SLC29A1: variants seen among roughly 807,000 people sequenced by gnomAD.
SLC29A1 encodes the protein solute carrier family 29 member 1 (Augustine blood group), also known as equilibrative nucleoside transporter 1.
A neutral mutation model predicts 48.3 loss-of-function variants in SLC29A1; 22 were observed. The observed-to-expected ratio is 0.46, with a 90% CI of 0.33 to 0.65. The LOEUF (loss-of-function observed/expected upper bound fraction) is 0.65. SLC29A1 is among the 30% of genes least tolerant of loss of function. SLC29A1 has a pLI of 0.03. For synonymous variants in SLC29A1, 228 were observed against 231.0 expected, an observed-to-expected ratio of 0.99 and a Z score of 0.12; for missense variants, 491 against 575.3, an observed-to-expected ratio of 0.85 and a Z score of 1.50.
In SLC29A1 at chr6:44,232,881, C is replaced by A; in HGVS notation, c.1134C>A (p.Cys378Ter). 1.2e-6 allele frequency: 2 copies of A among 1,614,068 alleles called. No homozygotes were observed. The highest frequency in any genetic ancestry group is 2.2e-5 in the South Asian group (2 of 91,086). ...TGTTTGTGCCACTGCTGCTGCTGTG[C>A]AACATTAAGCCCCGCCGCTACCTGA... Reference protein sequence around the residue: ...RLVFVPLLLLCNIKPRRYLTV... With the variant: ...RLVFVPLLLL The change falls in exon 12 of 13, where the codon TGC (cysteine) becomes TGA (stop). Residue 378 changes from cysteine (C) to a stop codon, truncating the protein, a stop_gained. Transcript: ENST00000371755. LOFTEE classifies it high-confidence loss of function. This position sits in a 1 kb window ranked among gnomAD's most constrained non-coding sequence, Gnocchi z 4.7.
At chr6:44,222,773 G>A (rs1776605501), upstream of SLC29A1, among the ~76,000 whole-genome samples, 1 of 152,216 alleles carries the variant, frequency 6.6e-6, no homozygotes, top group African/African-American at 2.4e-5. Flanking sequence ...TGTCAGGATG[G>A]CTGGGACAAT....
At chr6:44,233,086 C>G in intron 12 of SLC29A1, 80 bp downstream of exon 12, 2 of 1,410,492 alleles carry the variant, frequency 1.4e-6, no homozygotes, top group Non-Finnish European at 2.0e-6. Context: ...AGAGGGAGGG[C>G]AAAAGGAGAG....
chr6:44,231,876 G>A (rs937226929), intron 9 of SLC29A1, 122 bp from the exon 10 acceptor site: 4 of 674,542 alleles, frequency 5.9e-6, no homozygotes, highest in East Asian at 3.0e-5. Context: ...CACCCACCTC[G>A]GCCTCCCAAA....
rs748005109 is a variant in SLC29A1 at position 44,232,727 on chromosome 6, G to A, written c.1060-80G>A. The A allele has an allele frequency of 4.3e-6, 6 of 1,406,276 alleles. No individual in the cohort carries two copies. The highest frequency in any genetic ancestry group is 5.9e-6 in the Non-Finnish European group (6 of 1,014,948). The allele number at this position is 1,406,276 out of a possible 1,614,324, so 87.1% of individuals were successfully genotyped here. ...TTTGAGGTTTCAGTTCAGATCCTGA[G>A]GGGCCCCAGATGGATCCTTGGGGGC... On this transcript the variant is annotated intron_variant, in intron 11 of 12. Transcript: ENST00000371755. The surrounding 1 kb of genome is among the most constrained non-coding windows in gnomAD (Gnocchi z 4.7).
Position 44,230,894 on chromosome 6 carries a change from G to C in SLC29A1, c.766+5G>C, listed in dbSNP as rs778293699. On this transcript the variant is annotated splice_donor_5th_base_variant and intron_variant, in intron 8 of 12. Coordinates refer to ENST00000371755, the MANE Select transcript of SLC29A1 (RefSeq NM_001372327.1). ...AGTTGGACCTCATTAGCAAAGGTCC[G>C]AAGAGCCTGAGGAAGCTGGGGTGGA... is the stretch of plus-strand genomic sequence containing the variant. The C allele has an allele frequency of 2.5e-6, 4 of 1,612,066 alleles. No homozygotes were observed. Among genetic ancestry groups the C allele is most frequent in the Non-Finnish European group, 3.4e-6 (4 of 1,178,288 alleles).
upstream of SLC29A1, chr6:44,223,456 G>A: frequency 1.2e-6 from 1 of 837,314 alleles, no homozygotes; most frequent in African/African-American, 1.9e-5. This position sits in a 1 kb window ranked among gnomAD's most constrained non-coding sequence, Gnocchi z 5.0. Context: ...GAGCGGCGGA[G>A]CGCGCGGAGT....
In SLC29A1 at chr6:44,229,339, A is replaced by G. The variant is rs1582948398; in HGVS notation, c.30-51A>G. 7.2e-7 allele frequency: 1 copy of G among 1,390,908 alleles called. No homozygotes were observed. The allele number at this position is 1,390,908 out of a possible 1,614,324, so 86.2% of individuals were successfully genotyped here. A position where few individuals can be genotyped will look rare whatever the true frequency, so the allele number is the denominator to read the frequency against. ...GGGGCTTTCCTGGGGCTCATTGTGG[A>G]GTGGGGCAGGATGGTGCGTCATTTG... On this transcript the variant is annotated intron_variant, in intron 2 of 12. Coordinates refer to ENST00000371755, the MANE Select transcript of SLC29A1 (RefSeq NM_001372327.1). The surrounding 1 kb of genome is among the most constrained non-coding windows in gnomAD (Gnocchi z 5.1).
rs1778446613 is a variant in SLC29A1, at chr6:44,229,924, G to A, written c.332G>A (p.Arg111Gln). ...CCCGGCAGGATCCCCCAGTCCGTACGGATCCTGGGCAGCCTGGTGGCCATC... is the reference window on the plus strand; with the variant it reads ...CCCGGCAGGATCCCCCAGTCCGTACAGATCCTGGGCAGCCTGGTGGCCATC... ...FLHQRIPQSV[R>Q]ILGSLVAILL... The change falls in exon 5 of 13, where the codon CGG becomes CAG. Residue 111 changes from arginine to glutamine, a missense_variant. Physicochemically the swap from Arg to Gln is conservative, Grantham distance 43. Transcript: ENST00000371755. The surrounding 1 kb of genome is among the most constrained non-coding windows in gnomAD (Gnocchi z 5.1). 4 of 1,613,304 alleles carry A rather than the reference G, an allele frequency of 2.5e-6. No individual in the cohort carries two copies. Among genetic ancestry groups the A allele is most frequent in the African/African-American group, 1.3e-5 (1 of 74,900 alleles).
In SLC29A1 at chr6:44,230,414, C is replaced by A; in HGVS notation, c.522C>A (p.Ala174=). 6.2e-7 allele frequency: 1 copy of A among 1,614,130 alleles called. No homozygotes were observed. Among genetic ancestry groups the A allele is most frequent in the Non-Finnish European group, 8.5e-7 (1 of 1,180,022 alleles). ...LAGLLPASYT[A]PIMSGQGLAG... is the part of the protein sequence containing the mutation. ...GCCTTCTGCCTGCCAGCTACACGGC[C>A]CCCATCATGAGTGGCCAGGGCCTAG... The change falls in exon 6 of 13, where the codon GCC becomes GCA. Residue 174 remains alanine (A), a synonymous_variant. Coordinates refer to ENST00000371755, the MANE Select transcript of SLC29A1 (RefSeq NM_001372327.1).
rs766961852 is a variant in SLC29A1, at chr6:44,232,403, G to A, written c.1034G>A (p.Arg345Gln). The part of the protein sequence containing the change: ...LTFNIFDWLG[R>Q]SLTAVFMWPG... Reference sequence around the variant, plus strand: ...TTCAATATCTTTGACTGGTTGGGCCGGAGCCTCACAGCTGTATTCATGTGG... The same window carrying A: ...TTCAATATCTTTGACTGGTTGGGCCAGAGCCTCACAGCTGTATTCATGTGG... The change falls in exon 11 of 13, where the codon CGG (arginine) becomes CAG (glutamine). Residue 345 changes from arginine (R) to glutamine (Q), a missense_variant. Arg to Gln is a conservative substitution (Grantham distance 43, BLOSUM62 1). Transcript: ENST00000371755. The surrounding 1 kb of genome is among the most constrained non-coding windows in gnomAD (Gnocchi z 4.7). The A allele has an allele frequency of 2.0e-5, 33 of 1,612,902 alleles. No individual in the cohort carries two copies. The highest frequency in any genetic ancestry group is 2.6e-5 in the Non-Finnish European group (31 of 1,179,046).
rs1778892583 is a variant in SLC29A1 at position 44,231,588 on chromosome 6, T to TGTGC, written c.864+136_864+139dup. On this transcript the variant is annotated intron_variant, in intron 9 of 12. Coordinates refer to ENST00000371755, the MANE Select transcript of SLC29A1 (RefSeq NM_001372327.1). ...GTGGTCACTCCTGGATTCTTTTGTG[T>TGTGC]GTGCGTGCGTGCCCATGCGTGCGTG... 3 of 680,216 alleles carry TGTGC rather than the reference T, an allele frequency of 4.4e-6. No individual in the cohort carries two copies. In the African/African-American group the frequency reaches 5.4e-5, roughly 12 times the overall value. 42.1% of individuals were successfully genotyped at this position (680,216 alleles called of 1,614,324 possible).
upstream of SLC29A1, among the ~76,000 whole-genome samples, chr6:44,220,282 A>G (rs1460131266): frequency 6.6e-6 from 1 of 150,968 alleles, no homozygotes; most frequent in Admixed American, 6.6e-5. Context: ...GACTCAAGCC[A>G]TCCTCCCACC....
upstream of SLC29A1, among the ~76,000 whole-genome samples, chr6:44,220,662 AAAAAAT>A (rs1776276137): frequency 7.2e-6 from 1 of 138,872 alleles, no homozygotes; most frequent in East Asian, 2.2e-4. Context: ...AAAAAAAAAA[AAAAAAT>A]ACAAAAATTA....
At chr6:44,228,783 C>A (rs1029755739) in intron 2 of SLC29A1, among the ~76,000 whole-genome samples, 1 of 152,232 alleles carries the variant, frequency 6.6e-6, no homozygotes, top group Non-Finnish European at 1.5e-5. Context: ...TGGCCCCATA[C>A]CTCCTGGCCT....
chr6:44,229,151 G>T lies in SLC29A1; in HGVS notation c.30-239G>T, dbSNP rs912894356. 4.6e-5 allele frequency among the ~76,000 whole-genome samples: 7 copies of T among 152,156 alleles called. No individual in the cohort carries two copies. Among genetic ancestry groups the T allele is most frequent in the African/African-American group, 1.7e-4 (7 of 41,420 alleles). On this transcript the variant is annotated intron_variant, in intron 2 of 12. Transcript: ENST00000371755. The surrounding 1 kb of genome is among the most constrained non-coding windows in gnomAD (Gnocchi z 5.1). ...TTCCAGGGCTGATAACCATGGTCCT[G>T]TCAGCCATGCCATTCAGTCCTATGA...
chr6:44,220,465 T>C (rs2128334798), upstream of SLC29A1, among the ~76,000 whole-genome samples: 1 of 151,570 alleles, frequency 6.6e-6, no homozygotes, highest in Non-Finnish European at 1.5e-5. Context: ...ATGACAGATG[T>C]GAGCCACTGC....
In SLC29A1 at chr6:44,223,648, C is replaced by T. The variant is rs1220546559; in HGVS notation, c.-52+7C>T. ...AGCAGTGCTTCTGCGGCAGGTGCTG[C>T]CCGGGGCCGGGGACTGGGGACTGGG... On this transcript the variant is annotated splice_region_variant and intron_variant, in intron 1 of 12. Coordinates refer to ENST00000371755, the MANE Select transcript of SLC29A1 (RefSeq NM_001372327.1). This position sits in a 1 kb window ranked among gnomAD's most constrained non-coding sequence, Gnocchi z 5.0. The T allele has an allele frequency of 2.5e-6, 3 of 1,203,676 alleles. No homozygotes were observed. The highest frequency in any genetic ancestry group is 1.6e-5 in the African/African-American group (1 of 61,184). 74.6% of individuals were successfully genotyped at this position (1,203,676 alleles called of 1,614,324 possible).
chr6:44,226,993 G>C (rs965261378), intron 1 of SLC29A1: 1 of 1,201,536 alleles, frequency 8.3e-7, no homozygotes, highest in African/African-American at 1.6e-5. Flanking sequence ...AAACTGCTTC[G>C]GCTGCTGGAT....
chr6:44,232,367 G>C lies in SLC29A1; in HGVS notation c.998G>C (p.Cys333Ser). The change falls in exon 11 of 13, where the codon TGT (cysteine) becomes TCT (serine). Residue 333 changes from cysteine to serine, a missense_variant. By Grantham distance (112) the Cys-to-Ser change is moderately radical. Transcript: ENST00000371755. The surrounding 1 kb of genome is among the most constrained non-coding windows in gnomAD (Gnocchi z 4.7). The part of the protein sequence containing the change: ...TWERYFIPVS[C>S]FLTFNIFDWL... The stretch of plus-strand genomic sequence containing the variant: ...GAACGTTACTTCATTCCTGTGTCCT[G>C]TTTCTTGACTTTCAATATCTTTGAC... 6.2e-7 allele frequency: 1 copy of C among 1,613,556 alleles called. No homozygotes were observed. Among genetic ancestry groups the C allele is most frequent in the Non-Finnish European group, 8.5e-7 (1 of 1,179,498 alleles).
Sources: gnomAD v4.1 joint callset for allele counts (sites outside exome capture counted in the v4.1 genomes callset) on GRCh38, gnomAD v4.1.1 for gene constraint, Gnocchi (gnomAD v3.1) non-coding constraint, MANE v1.5 for transcripts, NCBI Gene and HGNC (gene_info 2026-07-23, HGNC 2026-07-21) for gene names.